The following FBXL20 variants were observed in gnomAD, a reference collection of about 807,000 sequenced individuals.
The protein encoded by FBXL20 is F-box/LRR-repeat protein 20.
FBXL20 carries 11 observed loss-of-function variants against 64.0 expected under a neutral mutation model. The observed-to-expected ratio is 0.17, with a 90% CI of 0.11 to 0.28. The LOEUF (loss-of-function observed/expected upper bound fraction) is 0.28, where lower values mean the gene tolerates loss of function less well. Ranked by LOEUF, FBXL20 falls within the 10% of genes least tolerant of loss-of-function variation. The pLI is 1.00. For missense variants in FBXL20, 303 were observed against 526.2 expected, an observed-to-expected ratio of 0.58 and a Z score of 4.15; for synonymous variants, 184 against 189.0, an observed-to-expected ratio of 0.97 and a Z score of 0.22.
chr17:39,314,380 T>C (rs1225619295), intron 2 of FBXL20, among the ~76,000 whole-genome samples: 3 of 152,180 alleles, frequency 2.0e-5, no homozygotes. Context: ...CGAGTCTCAC[T>C]CTGTCACCCA....
chr17:39,355,442 C>A (rs967033906), intron 1 of FBXL20, among the ~76,000 whole-genome samples: 2 of 152,214 alleles, frequency 1.3e-5, no homozygotes. Flanking sequence ...CAAATACTTT[C>A]TCCCATGTCA....
chr17:39,330,989 T>G (rs1265782787), intron 2 of FBXL20, among the ~76,000 whole-genome samples: 3 of 152,240 alleles, frequency 2.0e-5, no homozygotes, highest in Non-Finnish European at 2.9e-5. Context: ...AGCTTGGGCC[T>G]CAAATCTTGT....
intron 1 of FBXL20, among the ~76,000 whole-genome samples, chr17:39,349,217 A>G (rs927131882): frequency 6.6e-6 from 1 of 150,846 alleles, no homozygotes; most frequent in Non-Finnish European, 1.5e-5. Context: ...ATGCCACTGC[A>G]CTCCAGCCTG....
Position 39,390,283 on chromosome 17 carries a change from G to A in FBXL20, c.42+11078C>T, listed in dbSNP as rs544626641. On this transcript the variant is annotated intron_variant, in intron 1 of 14. Transcript: ENST00000264658. Reference sequence around the variant, plus strand: ...AAAAAAATACAAAAATTGGCCAGACGCGGTGGCTCACACCTGTAATCAATC... The same window carrying A: ...AAAAAAATACAAAAATTGGCCAGACACGGTGGCTCACACCTGTAATCAATC... 1.3e-4 allele frequency among the ~76,000 whole-genome samples: 20 copies of A among 152,108 alleles called. No homozygotes were observed. In the South Asian group the frequency reaches 3.7e-3, roughly 28 times the overall value.
chr17:39,370,861 C>A (rs1348777533), intron 1 of FBXL20, among the ~76,000 whole-genome samples: 1 of 152,012 alleles, frequency 6.6e-6, no homozygotes, highest in Non-Finnish European at 1.5e-5. Flanking sequence ...CTCTTTTCAC[C>A]CATTTCACTA....
chr17:39,316,209 T>C (rs1475701156), intron 2 of FBXL20, among the ~76,000 whole-genome samples: 1 of 152,192 alleles, frequency 6.6e-6, no homozygotes, highest in East Asian at 1.9e-4. Flanking sequence ...AATATCAGTG[T>C]ATTAATAGAA....
chr17:39,261,596 T>C (rs1344900208), intron 14 of FBXL20, 29 bp from the exon 15 acceptor site: 1 of 1,517,850 alleles, frequency 6.6e-7, no homozygotes, highest in South Asian at 1.1e-5. Context: ...ATTAAACGTT[T>C]AAGAGAGGGC....
chr17:39,356,216 A>C (rs1326839688), intron 1 of FBXL20, among the ~76,000 whole-genome samples: 1 of 70,528 alleles, frequency 1.4e-5, no homozygotes, highest in African/African-American at 9.2e-5. Context: ...CTCCATCTCA[A>C]AAAAAAAAAA....
At chr17:39,378,737 G>C (rs892933947) in intron 1 of FBXL20, among the ~76,000 whole-genome samples, 6 of 151,454 alleles carry the variant, frequency 4.0e-5, no homozygotes. Flanking sequence ...AGCCTCCCAA[G>C]TAGCTGGGAT....
intron 2 of FBXL20, among the ~76,000 whole-genome samples, chr17:39,318,346 GAC>G (rs755964749): frequency 2.0e-5 from 3 of 152,150 alleles, no homozygotes; most frequent in Non-Finnish European, 4.4e-5. Flanking sequence ...AATAGTCTAA[GAC>G]TATCAGAATT....
At chr17:39,312,203 T>C (rs1597790785) in intron 2 of FBXL20, among the ~76,000 whole-genome samples, 1 of 151,906 alleles carries the variant, frequency 6.6e-6, no homozygotes, top group Non-Finnish European at 1.5e-5. Context: ...GATCACAAGG[T>C]CAGGAGTTTG....
chr17:39,394,309 C>CG (rs1466307567), intron 1 of FBXL20, among the ~76,000 whole-genome samples: 1 of 144,598 alleles, frequency 6.9e-6, no homozygotes, highest in Non-Finnish European at 1.5e-5. Flanking sequence ...GACAGAGTCT[C>CG]GCTCTCTCGC....
At chr17:39,272,095 T>G (rs866304188) in intron 10 of FBXL20, among the ~76,000 whole-genome samples, 2 of 151,618 alleles carry the variant, frequency 1.3e-5, no homozygotes, top group South Asian at 4.2e-4. Context: ...TAAAAAAATT[T>G]TTAAATTCTG....
Position 39,299,007 on chromosome 17 carries a change from C to G in FBXL20, c.312G>C (p.Val104=). 6.2e-7 allele frequency: 1 copy of G among 1,612,916 alleles called. No homozygotes were observed. The highest frequency in any genetic ancestry group is 8.5e-7 in the Non-Finnish European group (1 of 1,179,312). ...GTTTTTACCTTAATGCATTGTCTCC[C>G]ACTCCAAGACATCCACGAAGACTTA... ...RKLSLRGCLG[V]GDNALRTFAQ... The change falls in exon 5 of 15, where the codon GTG becomes GTC. Residue 104 remains valine, a synonymous_variant. Coordinates refer to ENST00000264658, the MANE Select transcript of FBXL20 (RefSeq NM_032875.3).
chr17:39,323,633 T>C (rs1342111492), intron 2 of FBXL20, among the ~76,000 whole-genome samples: 1 of 152,174 alleles, frequency 6.6e-6, no homozygotes, highest in Non-Finnish European at 1.5e-5. Context: ...TGTCAAGGCC[T>C]TACTATTCAA....
intron 1 of FBXL20, among the ~76,000 whole-genome samples, chr17:39,359,546 T>G (rs1444374496): frequency 4.0e-5 from 6 of 151,414 alleles, no homozygotes; most frequent in Admixed American, 4.0e-4. Context: ...GAGGTTGCAG[T>G]GAGCCAAGAT....
chr17:39,373,273 T>C (rs2047935770), intron 1 of FBXL20, among the ~76,000 whole-genome samples: 1 of 152,226 alleles, frequency 6.6e-6, no homozygotes, highest in Non-Finnish European at 1.5e-5. Context: ...CTTTTAATCT[T>C]ATTTGACTGG....
chr17:39,262,677 T>G (rs2046757297), intron 14 of FBXL20, among the ~76,000 whole-genome samples: 1 of 151,554 alleles, frequency 6.6e-6, no homozygotes, highest in East Asian at 2.0e-4. Flanking sequence ...CAGAACAATC[T>G]AACACACAGA....
At chr17:39,351,748 T>C (rs1204191991) in intron 1 of FBXL20, among the ~76,000 whole-genome samples, 3 of 152,240 alleles carry the variant, frequency 2.0e-5, no homozygotes, top group East Asian at 3.9e-4. Flanking sequence ...CAGAAAAACA[T>C]GGGAGCAACT....
Sources: gnomAD v4.1 joint callset for allele counts (sites outside exome capture counted in the v4.1 genomes callset) on GRCh38, gnomAD v4.1.1 for gene constraint, MANE v1.5 for transcripts, NCBI Gene and HGNC (gene_info 2026-07-23, HGNC 2026-07-21) for gene names.